The following FARSB variants were observed in gnomAD, a reference collection of about 807,000 sequenced individuals.
The protein encoded by FARSB is phenylalanine--tRNA ligase beta subunit.
Under a neutral mutation model 69.6 loss-of-function variants are expected in FARSB, and 40 were observed. The observed-to-expected ratio is 0.57, with a 90% CI of 0.45 to 0.75. The LOEUF is 0.75. Ranked by LOEUF, FARSB falls within the 30% of genes least tolerant of loss-of-function variation. The pLI, the probability that FARSB is intolerant of heterozygous loss-of-function variation, is 0.00. For synonymous variants in FARSB, 235 were observed against 247.2 expected (o/e 0.95, Z 0.46); for missense variants, 632 against 722.9 (o/e 0.87, Z 1.44).
chr2:222,601,209 G>A (rs1690548821), intron 15 of FARSB, among the ~76,000 whole-genome samples: 1 of 152,162 alleles, frequency 6.6e-6, no homozygotes, highest in South Asian at 2.1e-4. Context: ...CGTGCACATA[G>A]TTAACACTAC....
intron 14 of FARSB, among the ~76,000 whole-genome samples, chr2:222,614,354 G>A (rs1690943488): frequency 6.6e-6 from 1 of 152,188 alleles, no homozygotes; most frequent in Middle Eastern, 3.4e-3. Flanking sequence ...TGCCTCAAAT[G>A]GCTCTAGTGA....
intron 16 of FARSB, among the ~76,000 whole-genome samples, chr2:222,579,141 C>T (rs12477441): frequency 0.3 from 45,919 of 152,038 alleles, 7,629 homozygotes; most frequent in Non-Finnish European, 0.38. Context: ...AGGAGGCTTG[C>T]CCTAGGCAAG....
At chr2:222,642,755 GC>G (rs1691754287) in intron 3 of FARSB, 95 bp downstream of exon 3, 3 of 935,046 alleles carry the variant, frequency 3.2e-6, no homozygotes, top group Non-Finnish European at 4.7e-6. Flanking sequence ...TCCTCTACAA[GC>G]TTTTTCCTAG....
At chr2:222,611,023 C>T (rs1574930705) in intron 15 of FARSB, among the ~76,000 whole-genome samples, 1 of 149,408 alleles carries the variant, frequency 6.7e-6, no homozygotes, top group Non-Finnish European at 1.5e-5. Flanking sequence ...TTAGAATACT[C>T]CATCAGAGAA....
At chr2:222,589,797 A>C (rs1186958660) in intron 16 of FARSB, among the ~76,000 whole-genome samples, 2 of 152,206 alleles carry the variant, frequency 1.3e-5, no homozygotes, top group African/African-American at 4.8e-5. Flanking sequence ...GAGAAATGCA[A>C]ATCAAAACCA....
intron 15 of FARSB, among the ~76,000 whole-genome samples, chr2:222,606,449 T>C (rs1690706215): frequency 2.0e-5 from 3 of 152,340 alleles, no homozygotes; most frequent in African/African-American, 7.2e-5. Flanking sequence ...TCAGTTCTTT[T>C]ATAACTCAGT....
Position 222,570,320 on chromosome 2 carries a change from T to C in FARSB, c.*1551A>G, listed in dbSNP as rs1451940964. On this transcript the variant is annotated 3_prime_UTR_variant, in exon 17 of 17. Transcript: ENST00000281828. ...TGGCATGCATTATTTTTAGAGGGCA[T>C]ATTTCATTTTTAAAATGTTGTAAGG... 1.3e-5 allele frequency among the ~76,000 whole-genome samples: 2 copies of C among 152,236 alleles called. No individual in the cohort carries two copies. The highest frequency in any genetic ancestry group is 4.8e-5 in the African/African-American group (2 of 41,462).
At chr2:222,650,518 A>G (rs1473023350) in intron 1 of FARSB, among the ~76,000 whole-genome samples, 1 of 152,176 alleles carries the variant, frequency 6.6e-6, no homozygotes, top group African/African-American at 2.4e-5. Flanking sequence ...TCGATGGCCG[A>G]ATGATGGGAG....
At chr2:222,615,540 G>A (rs1690975100) in intron 14 of FARSB, among the ~76,000 whole-genome samples, 1 of 152,188 alleles carries the variant, frequency 6.6e-6, no homozygotes, top group South Asian at 2.1e-4. Flanking sequence ...AGGCCACACT[G>A]GTCAGCAAGA....
In FARSB at chr2:222,641,732, T is replaced by C. The variant is rs190101721; in HGVS notation, c.270-801A>G. On this transcript the variant is annotated intron_variant, in intron 3 of 16. Coordinates refer to ENST00000281828, the MANE Select transcript of FARSB (RefSeq NM_005687.5). ...TTGGGAAACGAACTCTCAGGAGTTA[T>C]CCTTGATCCTAAAATAAAAGCATCT... Among the ~76,000 whole-genome samples the C allele has an allele frequency of 1.4e-3, 219 of 152,308 alleles. 1 individual carries two copies. The highest frequency in any genetic ancestry group is 0.013 in the Admixed American group (192 of 15,300).
At chr2:222,578,613 A>C (rs1183319908) in intron 16 of FARSB, among the ~76,000 whole-genome samples, 2 of 151,664 alleles carry the variant, frequency 1.3e-5, no homozygotes, top group Admixed American at 1.3e-4. Context: ...CCAACGCGGG[A>C]AGATCACGAG....
At chr2:222,599,530 T>C (rs1327501734) in intron 16 of FARSB, among the ~76,000 whole-genome samples, 2 of 152,192 alleles carry the variant, frequency 1.3e-5, no homozygotes, top group African/African-American at 4.8e-5. Flanking sequence ...TTCTTTTTTC[T>C]TTTGTCTTAA....
chr2:222,648,864 G>A, intron 1 of FARSB, 69 bp from the exon 2 acceptor site: 2 of 995,984 alleles, frequency 2.0e-6, no homozygotes, highest in Non-Finnish European at 3.2e-6. Context: ...CATACAAACT[G>A]CATTTTCTTA....
At chr2:222,626,486 G>A (rs991500744) in intron 10 of FARSB, among the ~76,000 whole-genome samples, 2 of 152,080 alleles carry the variant, frequency 1.3e-5, no homozygotes, top group African/African-American at 4.8e-5. Flanking sequence ...GTTTCCCCCA[G>A]AGGATCCTTC....
chr2:222,648,702 C>T (rs765260369), intron 2 of FARSB, 38 bp downstream of exon 2: 1 of 1,289,512 alleles, frequency 7.8e-7, no homozygotes, highest in Non-Finnish European at 1.1e-6. Flanking sequence ...AGCTTATGCA[C>T]ACAATCTTTG....
chr2:222,591,237 AAAAG>A (rs1431226127), intron 16 of FARSB, among the ~76,000 whole-genome samples: 1 of 151,874 alleles, frequency 6.6e-6, no homozygotes, highest in Non-Finnish European at 1.5e-5. Flanking sequence ...GAAAGAAAGA[AAAAG>A]AAAGAAATAC....
Position 222,628,818 on chromosome 2 carries a change from T to C in FARSB, c.900+19A>G. The C allele has an allele frequency of 2.6e-6, 4 of 1,530,158 alleles. No homozygotes were observed. The highest frequency in any genetic ancestry group is 3.6e-6 in the Non-Finnish European group (4 of 1,104,948). The allele number at this position is 1,530,158 out of a possible 1,614,324, so 94.8% of individuals were successfully genotyped here. ...TAGCATTGTTGTCATAATCATGAAG[T>C]CATTTCTTAAGCACTTACTGGAAAG... On this transcript the variant is annotated intron_variant, in intron 10 of 16. Transcript: ENST00000281828.
At position 222,628,631 on chromosome 2, in the gene FARSB, A is replaced by G. The variant is rs546196900; in HGVS notation, c.900+206T>C. Among the ~76,000 whole-genome samples, 314 of 152,326 alleles carry G rather than the reference A, an allele frequency of 2.1e-3. 1 individual carries two copies. Among genetic ancestry groups the G allele is most frequent in the African/African-American group, 7.1e-3 (297 of 41,560 alleles). ...AAGGTATTTAACATCTCAAGGTCTC[A>G]GGGACTCCATCTGGAAAAAGCTTAA... On this transcript the variant is annotated intron_variant, in intron 10 of 16. Coordinates refer to ENST00000281828, the MANE Select transcript of FARSB (RefSeq NM_005687.5).
chr2:222,589,504 T>C (rs938105409), intron 16 of FARSB, among the ~76,000 whole-genome samples: 7 of 151,188 alleles, frequency 4.6e-5, no homozygotes, highest in African/African-American at 1.5e-4. Flanking sequence ...AAAGCCAAAA[T>C]AGACAAATGG....
Sources: allele counts gnomAD v4.1 joint callset (sites outside exome capture counted in the v4.1 genomes callset), GRCh38; gene constraint gnomAD v4.1.1; transcripts MANE v1.5; gene names NCBI Gene and HGNC (gene_info 2026-07-23, HGNC 2026-07-21).